Variants in CDC25C observed in about 807,000 individuals in gnomAD.
The protein encoded by CDC25C is cell division cycle 25C, also known as M-phase inducer phosphatase 3.
CDC25C carries 48 observed loss-of-function variants against 52.5 expected under a neutral mutation model. The observed-to-expected ratio is 0.91, with a 90% CI of 0.72 to 1.16. The LOEUF is 1.16. Ranked by LOEUF, CDC25C falls within the 50% of genes most tolerant of loss-of-function variation. The pLI is 0.00. For missense variants in CDC25C, 510 were observed against 566.1 expected (o/e 0.90, Z 1.01); for synonymous variants, 187 against 206.5 (o/e 0.91, Z 0.81).
chr5:138,290,603 C>T (rs1756624401), intron 9 of CDC25C, 36 bp downstream of exon 9: 1 of 1,104,904 alleles, frequency 9.1e-7, no homozygotes, highest in Admixed American at 1.7e-5. Context: ...TCCAAAATGA[C>T]TCACTGAAAT....
chr5:138,300,042 C>G (rs146850758), intron 7 of CDC25C, among the ~76,000 whole-genome samples: 3 of 152,068 alleles, frequency 2.0e-5, no homozygotes, highest in Non-Finnish European at 4.4e-5. Flanking sequence ...AAGACAAAAA[C>G]TACTGAAACT....
chr5:138,315,814 G>A (rs1376132089), intron 7 of CDC25C, among the ~76,000 whole-genome samples: 1 of 152,230 alleles, frequency 6.6e-6, no homozygotes, highest in East Asian at 1.9e-4. Flanking sequence ...AGAGGCCAAG[G>A]TGTTGGCAGC....
chr5:138,302,451 G>C (rs1757698943), intron 7 of CDC25C, among the ~76,000 whole-genome samples: 1 of 151,922 alleles, frequency 6.6e-6, no homozygotes. Context: ...TGTAATCCCA[G>C]CACTTTGGGA....
intron 7 of CDC25C, among the ~76,000 whole-genome samples, chr5:138,296,961 A>C (rs1334522492): frequency 4.2e-5 from 5 of 119,536 alleles, no homozygotes; most frequent in Admixed American, 1.0e-4. Context: ...CACAGGGTGG[A>C]GTGCAGTGGC....
At chr5:138,286,698 A>C in intron 11 of CDC25C, 68 bp from the exon 12 acceptor site, 3 of 1,436,584 alleles carry the variant, frequency 2.1e-6, no homozygotes, top group Non-Finnish European at 2.8e-6. Flanking sequence ...CTTAGAAATG[A>C]CTGAGACGCC....
intron 7 of CDC25C, among the ~76,000 whole-genome samples, chr5:138,296,844 A>C (rs1757236622): frequency 6.8e-6 from 1 of 147,166 alleles, no homozygotes. Flanking sequence ...TGACCTCGTG[A>C]TCTGCCCGCC....
intron 11 of CDC25C, among the ~76,000 whole-genome samples, chr5:138,286,839 T>C (rs1191029840): frequency 6.6e-6 from 1 of 152,226 alleles, no homozygotes; most frequent in Non-Finnish European, 1.5e-5. Flanking sequence ...TTTATAGACC[T>C]GAACCACTGG....
chr5:138,338,036 G>T (rs896132428), exon 1 of CDC25C: 27 of 1,289,514 alleles, frequency 2.1e-5, no homozygotes, highest in Non-Finnish European at 2.5e-5. Context: ...TATTTTGGAG[G>T]GGGTGACTCG....
chr5:138,325,919 T>C lies in CDC25C; in HGVS notation c.370-15A>G. On this transcript the variant is annotated splice_polypyrimidine_tract_variant and intron_variant, in intron 5 of 13. Transcript: ENST00000323760. Reference sequence around the variant, plus strand: ...AGAAGCTGTGCCTAAAAAAGAGAGTTTGCTGAGAACGTCCAGCATCCTCAA... The same window carrying C: ...AGAAGCTGTGCCTAAAAAAGAGAGTCTGCTGAGAACGTCCAGCATCCTCAA... 2 of 1,613,504 alleles carry C rather than the reference T, an allele frequency of 1.2e-6. No homozygotes were observed. The highest frequency in any genetic ancestry group is 1.7e-6 in the Non-Finnish European group (2 of 1,179,404).
chr5:138,293,939 G>A (rs565176298), intron 7 of CDC25C, among the ~76,000 whole-genome samples: 1 of 151,618 alleles, frequency 6.6e-6, no homozygotes, highest in African/African-American at 2.4e-5. Flanking sequence ...GAGCCACCAC[G>A]CCCAGTCTGT....
intron 9 of CDC25C, among the ~76,000 whole-genome samples, chr5:138,289,965 C>A (rs7722660): frequency 0.015 from 2,299 of 151,542 alleles, 60 homozygotes; most frequent in African/African-American, 0.052. Flanking sequence ...TTTGGGAAGC[C>A]AAGGAGAGAG....
intron 6 of CDC25C, among the ~76,000 whole-genome samples, chr5:138,320,420 G>A (rs1300589952): frequency 6.6e-6 from 1 of 152,108 alleles, no homozygotes; most frequent in Non-Finnish European, 1.5e-5. Context: ...AACTCAAAAT[G>A]TCCATCAACA....
Position 138,290,690 on chromosome 5 carries a change from C to CT in CDC25C, c.812dup (p.Met272AspfsTer7), listed in dbSNP as rs1756633364. The CT allele has an allele frequency of 6.2e-7, 1 of 1,613,102 alleles. No homozygotes were observed. The highest frequency in any genetic ancestry group is 1.1e-5 in the South Asian group (1 of 91,046). ...CCTGGTTAGAATCTTCCTCCAGCAT[C>CT]TGAGTGATAGTAATGTCACACAGAG... On this transcript the variant is annotated frameshift_variant, in exon 9 of 14. Coordinates refer to ENST00000323760, the MANE Select transcript of CDC25C (RefSeq NM_001790.5). LOFTEE classifies it high-confidence loss of function.
rs559872443 is a variant in CDC25C, at chr5:138,291,670, C to T, written c.762+300G>A. Among the ~76,000 whole-genome samples the T allele has an allele frequency of 2.0e-3, 300 of 152,000 alleles. 2 individuals carry two copies. Among genetic ancestry groups the T allele is most frequent in the African/African-American group, 6.6e-3 (275 of 41,528 alleles). The stretch of plus-strand genomic sequence containing the variant: ...CTGAGCTCAGGCAATCCGCCCGCCT[C>T]GGCCTCCCAAAGTGCTAGGATTATA... On this transcript the variant is annotated intron_variant, in intron 8 of 13. Coordinates refer to ENST00000323760, the MANE Select transcript of CDC25C (RefSeq NM_001790.5).
intron 7 of CDC25C, among the ~76,000 whole-genome samples, chr5:138,292,584 C>T (rs1195749735): frequency 1.3e-5 from 2 of 150,166 alleles, no homozygotes; most frequent in Non-Finnish European, 3.0e-5. Context: ...AGATGAAAAG[C>T]CAAGAAGAAA....
intron 6 of CDC25C, among the ~76,000 whole-genome samples, chr5:138,325,492 T>TGTTAAACAAACCTGTTTTAACAA (rs1471470887): frequency 6.6e-6 from 1 of 152,170 alleles, no homozygotes; most frequent in Admixed American, 6.6e-5. Flanking sequence ...AAGTTATCCC[T>TGTTAAACAAACCTGTTTTAACAA]ACCTGTTAAA....
chr5:138,321,165 C>T (rs1452535385), intron 6 of CDC25C, among the ~76,000 whole-genome samples: 1 of 151,898 alleles, frequency 6.6e-6, no homozygotes, highest in African/African-American at 2.4e-5. Context: ...AATTCACTGA[C>T]ACAGAAAATA....
At position 138,285,371 on chromosome 5, in the gene CDC25C, C is replaced by T. The variant is rs911430060; in HGVS notation, c.*321G>A. 2.2e-5 allele frequency: 6 copies of T among 274,112 alleles called. No individual in the cohort carries two copies. The East Asian group carries it at 3.3e-4, about 15-fold the overall frequency. 17.0% of individuals were successfully genotyped at this position (274,112 alleles called of 1,614,324 possible). ...AGGTAGACAACGCTCTTGCATAGCC[C>T]GAAGCCCAGAGAGAAAGAGTTGGCT... On this transcript the variant is annotated 3_prime_UTR_variant, in exon 14 of 14. Coordinates refer to ENST00000323760, the MANE Select transcript of CDC25C (RefSeq NM_001790.5).
chr5:138,299,764 G>A (rs935052486), intron 7 of CDC25C, among the ~76,000 whole-genome samples: 1 of 151,362 alleles, frequency 6.6e-6, no homozygotes, highest in African/African-American at 2.4e-5. Flanking sequence ...AAAGCAAGCA[G>A]AAGGAAGGAA....
Sources: allele counts gnomAD v4.1 joint callset (sites outside exome capture counted in the v4.1 genomes callset), GRCh38; gene constraint gnomAD v4.1.1; transcripts MANE v1.5; gene names NCBI Gene and HGNC (gene_info 2026-07-23, HGNC 2026-07-21).